Variants in ULK4 observed in about 807,000 individuals in gnomAD.
ULK4 encodes inactive serine/threonine-protein kinase ULK4.
In ULK4, 133 loss-of-function variants were observed where a neutral mutation model predicts 160.6. The ratio of observed to expected loss-of-function variants is 0.83; its 90% CI spans 0.72 to 0.96. ULK4 has a LOEUF of 0.96. Among genes scored for constraint, ULK4 ranks in the 40% least tolerant of loss-of-function variants. ULK4 has a pLI of 0.00. For missense variants in ULK4, 1,580 were observed against 1,499.5 expected (o/e 1.05, Z -0.89); for synonymous variants, 534 against 539.8 (o/e 0.99, Z 0.15).
chr3:41,557,345 T>C (rs150599657), intron 32 of ULK4, among the ~76,000 whole-genome samples: 141 of 151,656 alleles, frequency 9.3e-4, no homozygotes, highest in African/African-American at 3.3e-3. Flanking sequence ...ACCATCATTA[T>C]TTACAATTAT....
rs536923206 is a variant in ULK4, at chr3:41,382,834, T to C, written c.3678+15245A>G. Among the ~76,000 whole-genome samples, 3 of 152,306 alleles carry C rather than the reference T, an allele frequency of 2.0e-5. No individual in the cohort carries two copies. The South Asian group carries it at 6.2e-4, about 32-fold the overall frequency. On this transcript the variant is annotated intron_variant, in intron 35 of 36. Transcript: ENST00000301831. The stretch of plus-strand genomic sequence containing the variant: ...CACCAAACTCTGGTTATTTGCTTTA[T>C]ATATAGCCTATCTACTTGGAAACAA...
chr3:41,506,767 A>AAAAAAAAAAAAAAAAAATATATAAAT, intron 32 of ULK4, among the ~76,000 whole-genome samples: 1 of 56,764 alleles, frequency 1.8e-5, no homozygotes, highest in Non-Finnish European at 3.1e-5. Context: ...TGTGATTTAA[A>AAAAAAAAAAAAAAAAAATATATAAAT]ATATATATAT....
At chr3:41,485,277 G>A (rs562824386) in intron 32 of ULK4, among the ~76,000 whole-genome samples, 36 of 152,304 alleles carry the variant, frequency 2.4e-4, no homozygotes, top group African/African-American at 7.9e-4. Flanking sequence ...CAAGTTTAAA[G>A]TGGGAATGCA....
intron 21 of ULK4, among the ~76,000 whole-genome samples, chr3:41,771,379 G>C (rs1301597985): frequency 6.6e-6 from 1 of 152,050 alleles, no homozygotes; most frequent in Non-Finnish European, 1.5e-5. Context: ...CAGTGTTTTT[G>C]TAATCAAATA....
At chr3:41,704,537 A>T (rs1331921334) in intron 27 of ULK4, among the ~76,000 whole-genome samples, 1 of 152,164 alleles carries the variant, frequency 6.6e-6, no homozygotes, top group Non-Finnish European at 1.5e-5. Flanking sequence ...TCACCTAAGG[A>T]TCCTTCTAAG....
intron 35 of ULK4, among the ~76,000 whole-genome samples, chr3:41,306,570 G>C (rs1428620975): frequency 1.3e-5 from 2 of 150,844 alleles, no homozygotes; most frequent in Non-Finnish European, 3.0e-5. Context: ...CGGGAGGTGA[G>C]GGGCACCTCT....
intron 23 of ULK4, among the ~76,000 whole-genome samples, chr3:41,717,388 C>CA (rs1488903938): frequency 1.9e-4 from 29 of 149,302 alleles, no homozygotes; most frequent in South Asian, 6.4e-4. Context: ...CTGATTTAGG[C>CA]AAAAAAAAAC....
intron 30 of ULK4, among the ~76,000 whole-genome samples, chr3:41,646,813 G>A (rs901246267): frequency 2.2e-4 from 34 of 152,258 alleles, no homozygotes; most frequent in East Asian, 7.7e-4. Flanking sequence ...CGTTCTCCCC[G>A]TCACTTTCAG....
chr3:41,928,663 C>A (rs562655991), intron 5 of ULK4, among the ~76,000 whole-genome samples: 112 of 151,886 alleles, frequency 7.4e-4, no homozygotes, highest in Non-Finnish European at 1.3e-3. Context: ...GATATTACCA[C>A]TGATCCCACA....
At chr3:41,523,499 A>C (rs1053217356) in intron 32 of ULK4, among the ~76,000 whole-genome samples, 36 of 152,190 alleles carry the variant, frequency 2.4e-4, no homozygotes, top group African/African-American at 8.4e-4. Flanking sequence ...CTAAAATGGT[A>C]AATTTTATTT....
intron 17 of ULK4, among the ~76,000 whole-genome samples, chr3:41,855,270 T>G (rs1320503227): frequency 6.9e-6 from 1 of 145,506 alleles, no homozygotes; most frequent in South Asian, 2.1e-4. Flanking sequence ...ACAGCTGCCC[T>G]CTGGAAACCA....
At chr3:41,537,243 G>A (rs1396624291) in intron 32 of ULK4, among the ~76,000 whole-genome samples, 1 of 142,894 alleles carries the variant, frequency 7.0e-6, no homozygotes, top group African/African-American at 2.6e-5. Context: ...TGATTGCTCT[G>A]CTGTAAATCC....
intron 35 of ULK4, among the ~76,000 whole-genome samples, chr3:41,366,544 T>C (rs895846485): frequency 1.5e-5 from 2 of 133,280 alleles, no homozygotes; most frequent in African/African-American, 6.6e-5. Flanking sequence ...TTGGAAAATA[T>C]GGCTACACAC....
chr3:41,650,445 C>T (rs1402738613), intron 30 of ULK4, among the ~76,000 whole-genome samples: 1 of 152,238 alleles, frequency 6.6e-6, no homozygotes, highest in Non-Finnish European at 1.5e-5. Flanking sequence ...CACCTCCAAG[C>T]TTCTGGATGC....
intron 33 of ULK4, among the ~76,000 whole-genome samples, chr3:41,460,824 A>G (rs889599325): frequency 1.3e-5 from 2 of 152,072 alleles, no homozygotes; most frequent in Admixed American, 1.3e-4. Flanking sequence ...TCTCCCATTG[A>G]AGTCTCACAA....
chr3:41,922,083 G>A (rs1177424435), intron 5 of ULK4, among the ~76,000 whole-genome samples: 2 of 152,114 alleles, frequency 1.3e-5, no homozygotes, highest in African/African-American at 4.8e-5. Flanking sequence ...AACCCAGGAG[G>A]CGGAGCTTGC....
At position 41,890,496 on chromosome 3, in the gene ULK4, A is replaced by G. The variant is rs1697885722; in HGVS notation, c.1577+5022T>C. Among the ~76,000 whole-genome samples, 2 of 151,850 alleles carry G rather than the reference A, an allele frequency of 1.3e-5. 1 individual carries two copies. The highest frequency in any genetic ancestry group is 4.8e-5 in the African/African-American group (2 of 41,338). ...GGAGTTTGAGACCAGCCTGGCCAAC[A>G]TGGTGAAAACCCATCTCTACTAAAA... On this transcript the variant is annotated intron_variant, in intron 16 of 36. Coordinates refer to ENST00000301831, the MANE Select transcript of ULK4 (RefSeq NM_017886.4).
intron 32 of ULK4, among the ~76,000 whole-genome samples, chr3:41,500,851 G>C (rs1691983): frequency 6.6e-6 from 1 of 152,004 alleles, no homozygotes; most frequent in Non-Finnish European, 1.5e-5. Context: ...TTATAAATGT[G>C]ATCTTGTGTG....
chr3:41,955,995 G>A (rs1384790811), intron 1 of ULK4, among the ~76,000 whole-genome samples: 1 of 152,068 alleles, frequency 6.6e-6, no homozygotes, highest in Non-Finnish European at 1.5e-5. Context: ...GGAACCTAAG[G>A]CTGTTTCACA....
Sources: gnomAD v4.1 joint callset for allele counts (sites outside exome capture counted in the v4.1 genomes callset) on GRCh38, gnomAD v4.1.1 for gene constraint, MANE v1.5 for transcripts, NCBI Gene and HGNC (gene_info 2026-07-23, HGNC 2026-07-21) for gene names.